ABTB2: variants seen among roughly 807,000 people sequenced by gnomAD.
The protein encoded by ABTB2 is ankyrin repeat and BTB/POZ domain-containing protein 2.
Under a neutral mutation model 104.1 loss-of-function variants are expected in ABTB2, and 56 were observed. That is an observed-to-expected ratio of 0.54 (90% CI 0.43 to 0.67). The LOEUF (loss-of-function observed/expected upper bound fraction) is 0.67, where lower values mean the gene tolerates loss of function less well. ABTB2 is among the 30% of genes least tolerant of loss of function. ABTB2 has a pLI of 0.00. For missense variants in ABTB2, 1,279 were observed against 1,407.7 expected, an observed-to-expected ratio of 0.91 and a Z score of 1.46; for synonymous variants, 606 against 608.2, an observed-to-expected ratio of 1.00 and a Z score of 0.05.
In ABTB2 at chr11:34,356,584, T is replaced by C. The variant is rs1564940495; in HGVS notation, c.883+117A>G. The stretch of plus-strand genomic sequence containing the variant: ...TGAACCCTATCCTCAGACCAAACGT[T>C]TTCTCCCAAAGAACTGGCACAGCCA... On this transcript the variant is annotated intron_variant, in intron 1 of 16. Coordinates refer to ENST00000435224, the MANE Select transcript of ABTB2 (RefSeq NM_145804.3). The surrounding 1 kb of genome is among the most constrained non-coding windows in gnomAD (Gnocchi z 4.6). 4 of 1,356,646 alleles carry C rather than the reference T, an allele frequency of 2.9e-6. No individual in the cohort carries two copies. The highest frequency in any genetic ancestry group is 3.9e-6 in the Non-Finnish European group (4 of 1,014,604). 84.0% of individuals were successfully genotyped at this position (1,356,646 alleles called of 1,614,324 possible).
intron 1 of ABTB2, among the ~76,000 whole-genome samples, chr11:34,347,573 C>T (rs1286523637): frequency 2.6e-5 from 4 of 152,336 alleles, no homozygotes; most frequent in Non-Finnish European, 4.4e-5. Context: ...TCCTTCCCTT[C>T]ATAACACTGG....
chr11:34,160,085 C>T (rs1386142503), intron 12 of ABTB2, 77 bp from the exon 13 acceptor site: 27 of 1,349,280 alleles, frequency 2.0e-5, no homozygotes, highest in Non-Finnish European at 2.3e-5. Context: ...CTGTGAGGTG[C>T]GTGTCTGGGG....
chr11:34,181,418 G>A (rs1853024391), intron 3 of ABTB2, among the ~76,000 whole-genome samples: 1 of 152,182 alleles, frequency 6.6e-6, no homozygotes, highest in Non-Finnish European at 1.5e-5. Flanking sequence ...CCCAGAGTGA[G>A]TCAGGTTGGC....
intron 1 of ABTB2, among the ~76,000 whole-genome samples, chr11:34,313,313 C>A (rs1172074235): frequency 6.6e-6 from 1 of 152,220 alleles, no homozygotes; most frequent in Non-Finnish European, 1.5e-5. Context: ...ACGGAGTGTC[C>A]CATTGGGCCG....
chr11:34,258,588 C>T lies in ABTB2; in HGVS notation c.884-53898G>A, dbSNP rs572079329. On this transcript the variant is annotated intron_variant, in intron 1 of 16. Coordinates refer to ENST00000435224, the MANE Select transcript of ABTB2 (RefSeq NM_145804.3). ...TCCTTAGAACTGTGCCTAGTGAGCA[C>T]TACAGAAGTGCCTGCTCTTTTTTTT... Among the ~76,000 whole-genome samples, 394 of 150,164 alleles carry T rather than the reference C, an allele frequency of 2.6e-3. 5 individuals carry two copies. Among genetic ancestry groups the T allele is most frequent in the African/African-American group, 9.1e-3 (371 of 40,868 alleles).
At chr11:34,355,465 A>G (rs555169061) in intron 1 of ABTB2, among the ~76,000 whole-genome samples, 1 of 152,352 alleles carries the variant, frequency 6.6e-6, no homozygotes, top group African/African-American at 2.4e-5. Context: ...TGGGCATCAT[A>G]CTATGCAGTA....
At chr11:34,282,110 C>T (rs1192177290) in intron 1 of ABTB2, among the ~76,000 whole-genome samples, 1 of 152,118 alleles carries the variant, frequency 6.6e-6, no homozygotes, top group African/African-American at 2.4e-5. Context: ...CCAATGAGGG[C>T]CTGCTTTCTG....
At chr11:34,305,067 A>C (rs987922664) in intron 1 of ABTB2, among the ~76,000 whole-genome samples, 3 of 152,222 alleles carry the variant, frequency 2.0e-5, no homozygotes, top group African/African-American at 7.2e-5. Context: ...GTCTGCTTCT[A>C]TGTGGACAAG....
chr11:34,196,067 T>C (rs1010662805), intron 3 of ABTB2, among the ~76,000 whole-genome samples: 2 of 152,160 alleles, frequency 1.3e-5, no homozygotes, highest in Admixed American at 6.5e-5. Context: ...AGTGCAAGCC[T>C]TTCCCACTTC....
intron 3 of ABTB2, among the ~76,000 whole-genome samples, chr11:34,188,830 C>T (rs567086394): frequency 2.8e-4 from 42 of 152,326 alleles, no homozygotes; most frequent in African/African-American, 9.6e-4. Context: ...GGCATGTCCT[C>T]TTTATGTAAA....
chr11:34,153,314 G>A (rs1321262454), intron 16 of ABTB2, among the ~76,000 whole-genome samples: 2 of 152,182 alleles, frequency 1.3e-5, no homozygotes, highest in African/African-American at 4.8e-5. Context: ...TTAGCCTGCA[G>A]TAGGTGGAAA....
chr11:34,198,047 C>G (rs1182634009), intron 2 of ABTB2, among the ~76,000 whole-genome samples: 1 of 152,204 alleles, frequency 6.6e-6, no homozygotes, highest in Non-Finnish European at 1.5e-5. Flanking sequence ...TCACTATGTA[C>G]AAAGTATGCA....
intron 3 of ABTB2, 30 bp from the exon 4 acceptor site, chr11:34,173,337 T>C: frequency 2.6e-6 from 4 of 1,552,910 alleles, no homozygotes; most frequent in Non-Finnish European, 2.6e-6. Context: ...GGGTCAGGCC[T>C]GGGGTGGGGT....
intron 1 of ABTB2, among the ~76,000 whole-genome samples, chr11:34,330,372 G>A (rs1338834309): frequency 6.6e-6 from 1 of 152,174 alleles, no homozygotes; most frequent in Non-Finnish European, 1.5e-5. Flanking sequence ...TGTAAAATGG[G>A]AACAAATCAG....
Position 34,252,279 on chromosome 11 carries a change from G to GAACCATCGCATCTCCCCACTTCCTA in ABTB2, c.884-47614_884-47590dup, listed in dbSNP as rs1430486672. On this transcript the variant is annotated intron_variant, in intron 1 of 16. Transcript: ENST00000435224. The surrounding 1 kb of genome is among the most constrained non-coding windows in gnomAD (Gnocchi z 5.5). ...AGGCCAGATGCACGAGCCTCTTCCT[G>GAACCATCGCATCTCCCCACTTCCTA]AACCATCGCATCTCCCCACTTCCTA... Among the ~76,000 whole-genome samples the GAACCATCGCATCTCCCCACTTCCTA allele has an allele frequency of 6.6e-6, 1 of 152,172 alleles. No individual in the cohort carries two copies. The highest frequency in any genetic ancestry group is 2.4e-5 in the African/African-American group (1 of 41,438).
chr11:34,306,134 C>A (rs1201625019), intron 1 of ABTB2, among the ~76,000 whole-genome samples: 2 of 151,908 alleles, frequency 1.3e-5, no homozygotes, highest in African/African-American at 4.8e-5. Context: ...GGTCTCAGCA[C>A]CATGACTCTA....
chr11:34,300,846 T>C (rs1001245429), intron 1 of ABTB2, among the ~76,000 whole-genome samples: 7 of 152,232 alleles, frequency 4.6e-5, no homozygotes, highest in African/African-American at 1.7e-4. Flanking sequence ...GCTCTGCATT[T>C]TGGATTTGTT....
intron 1 of ABTB2, among the ~76,000 whole-genome samples, chr11:34,314,749 A>G (rs980169665): frequency 6.6e-6 from 1 of 152,218 alleles, no homozygotes; most frequent in African/African-American, 2.4e-5. Context: ...GGTCCAGATC[A>G]AAATGAAAAT....
At chr11:34,283,193 C>T (rs553944345) in intron 1 of ABTB2, among the ~76,000 whole-genome samples, 16 of 149,022 alleles carry the variant, frequency 1.1e-4, no homozygotes, top group African/African-American at 3.7e-4. Context: ...GCTGGGATTA[C>T]AGGCGTAAGC....
Sources: gnomAD v4.1 joint callset for allele counts (sites outside exome capture counted in the v4.1 genomes callset) on GRCh38, gnomAD v4.1.1 for gene constraint, Gnocchi (gnomAD v3.1) non-coding constraint, MANE v1.5 for transcripts, NCBI Gene and HGNC (gene_info 2026-07-23, HGNC 2026-07-21) for gene names.